ESR1: variants seen among roughly 807,000 people sequenced by gnomAD.
The protein encoded by ESR1 is estrogen receptor 1.
A neutral mutation model predicts 52.7 loss-of-function variants in ESR1; 12 were observed. That is an observed-to-expected ratio of 0.23 (90% confidence interval 0.15 to 0.37). The LOEUF (loss-of-function observed/expected upper bound fraction) is 0.37. ESR1 is among the 10% of genes least tolerant of loss of function. The probability of loss-of-function intolerance (pLI) is 1.00; values close to 1 mark genes in which losing one functional copy is unlikely to be tolerated. For synonymous variants in ESR1, 305 were observed against 316.8 expected (o/e 0.96, Z 0.39); for missense variants, 584 against 779.7 (o/e 0.75, Z 2.99).
At chr6:152,082,861 G>T (rs975907808) in intron 6 of ESR1, among the ~76,000 whole-genome samples, 1 of 152,042 alleles carries the variant, frequency 6.6e-6, no homozygotes, top group African/African-American at 2.4e-5. Context: ...CTCCCATTCA[G>T]AATTACTACA....
At chr6:151,997,666 T>G (rs570717608) in intron 4 of ESR1, among the ~76,000 whole-genome samples, 1 of 152,272 alleles carries the variant, frequency 6.6e-6, no homozygotes, top group East Asian at 1.9e-4. Flanking sequence ...CAGCAAACTG[T>G]GGTTCCACTT....
chr6:152,018,321 A>T (rs77105940), intron 5 of ESR1, among the ~76,000 whole-genome samples: 10,074 of 151,896 alleles, frequency 0.066, 595 homozygotes, highest in African/African-American at 0.16. Flanking sequence ...CAAAAAAAAA[A>T]ATGCCCAAAA....
intron 6 of ESR1, among the ~76,000 whole-genome samples, chr6:152,111,875 T>C (rs1227293150): frequency 6.6e-6 from 1 of 152,178 alleles, no homozygotes; most frequent in Non-Finnish European, 1.5e-5. Context: ...GGTGCCAAAA[T>C]TGGAGCTGCC....
intron 2 of ESR1, among the ~76,000 whole-genome samples, chr6:151,728,620 A>T (rs1196134640): frequency 6.6e-6 from 1 of 152,222 alleles, no homozygotes. Context: ...TGATGTATGT[A>T]TACAACCATT....
At chr6:152,088,641 C>T (rs901365692) in intron 6 of ESR1, among the ~76,000 whole-genome samples, 9 of 152,200 alleles carry the variant, frequency 5.9e-5, no homozygotes, top group African/African-American at 2.4e-5. Flanking sequence ...CGCTAGCACA[C>T]TCAGCCTCCT....
chr6:152,062,293 G>A (rs1340624810), intron 6 of ESR1, among the ~76,000 whole-genome samples: 1 of 151,780 alleles, frequency 6.6e-6, no homozygotes, highest in Non-Finnish European at 1.5e-5. Flanking sequence ...TTGTGTTTTT[G>A]TCTCTTTCTG....
Position 151,727,478 on chromosome 6 carries a change from A to G in ESR1, c.-71+25473A>G, listed in dbSNP as rs184944765. On this transcript the variant is annotated intron_variant, in intron 2 of 2. Transcript: ENST00000404742. ...CGGCCTCCCAAAGTGCTGGGATTACAGGTGTGAGCCACTATGCCTGGCTGG... is the reference window on the plus strand; with the variant it reads ...CGGCCTCCCAAAGTGCTGGGATTACGGGTGTGAGCCACTATGCCTGGCTGG... 3.2e-3 allele frequency among the ~76,000 whole-genome samples: 483 copies of G among 152,336 alleles called. 4 individuals carry two copies. Among genetic ancestry groups the G allele is most frequent in the African/African-American group, 0.011 (466 of 41,584 alleles).
intron 2 of ESR1, among the ~76,000 whole-genome samples, chr6:151,703,655 G>T (rs745438158): frequency 3.9e-5 from 6 of 152,148 alleles, no homozygotes; most frequent in African/African-American, 7.2e-5. Flanking sequence ...GGGGAAAAAA[G>T]ATTTTAATAT....
At chr6:152,048,615 C>CTTCA (rs1562722582) in intron 5 of ESR1, among the ~76,000 whole-genome samples, 2 of 152,084 alleles carry the variant, frequency 1.3e-5, no homozygotes, top group Non-Finnish European at 2.9e-5. Context: ...ATTGTTAAAC[C>CTTCA]TTCAGCACTG....
chr6:151,665,235 A>G (rs2115217980), intron 1 of ESR1, among the ~76,000 whole-genome samples: 1 of 152,300 alleles, frequency 6.6e-6, no homozygotes, highest in East Asian at 1.9e-4. Flanking sequence ...AGAGACTTCC[A>G]TTAAACAAGA....
chr6:151,915,536 G>T (rs912931924), intron 3 of ESR1, among the ~76,000 whole-genome samples: 2 of 152,114 alleles, frequency 1.3e-5, no homozygotes, highest in African/African-American at 4.8e-5. Flanking sequence ...TCTAGAAATG[G>T]ATACAGGTGT....
chr6:151,735,155 C>A (rs535241008), intron 2 of ESR1, among the ~76,000 whole-genome samples: 1 of 152,290 alleles, frequency 6.6e-6, no homozygotes, highest in South Asian at 2.1e-4. Flanking sequence ...TAGAACCAAT[C>A]TAACATCCAC....
chr6:151,855,212 C>G (rs538702720), intron 2 of ESR1, among the ~76,000 whole-genome samples: 1 of 152,204 alleles, frequency 6.6e-6, no homozygotes, highest in African/African-American at 2.4e-5. Flanking sequence ...CTGTGCCTGG[C>G]TCGTTTTAAA....
intron 3 of ESR1, among the ~76,000 whole-genome samples, chr6:151,937,996 G>A (rs1177110193): frequency 6.6e-6 from 1 of 152,110 alleles, no homozygotes. Context: ...ATTAGTTATT[G>A]TCTTTATTTC....
intron 2 of ESR1, among the ~76,000 whole-genome samples, chr6:151,744,478 A>G (rs1472778671): frequency 6.6e-6 from 1 of 152,212 alleles, no homozygotes; most frequent in Non-Finnish European, 1.5e-5. Context: ...AATGACATAA[A>G]GCATCTTTTC....
intron 4 of ESR1, among the ~76,000 whole-genome samples, chr6:152,004,177 C>T (rs1470463445): frequency 6.6e-6 from 1 of 151,946 alleles, no homozygotes; most frequent in East Asian, 1.9e-4. Context: ...ATATGGTACA[C>T]ACACAGACAC....
intron 6 of ESR1, among the ~76,000 whole-genome samples, chr6:152,081,806 C>A (rs1389687397): frequency 6.6e-6 from 1 of 151,996 alleles, no homozygotes; most frequent in Non-Finnish European, 1.5e-5. Context: ...ACCACCGATC[C>A]CACAGAAATA....
At chr6:152,113,293 C>T (rs1299847696) in intron 6 of ESR1, among the ~76,000 whole-genome samples, 1 of 152,210 alleles carries the variant, frequency 6.6e-6, no homozygotes, top group African/African-American at 2.4e-5. Flanking sequence ...CTGTAATTCC[C>T]TGACCTTTGT....
chr6:151,682,898 T>C (rs535113883), intron 1 of ESR1, among the ~76,000 whole-genome samples: 2 of 152,338 alleles, frequency 1.3e-5, no homozygotes, highest in African/African-American at 4.8e-5. Flanking sequence ...AAAAATTTTA[T>C]GAAATAGAAA....
Sources: allele counts gnomAD v4.1 joint callset (sites outside exome capture counted in the v4.1 genomes callset), GRCh38; gene constraint gnomAD v4.1.1; transcripts MANE v1.5; gene names NCBI Gene and HGNC (gene_info 2026-07-23, HGNC 2026-07-21).